The following DNAH6 variants were observed in gnomAD, a reference collection of about 807,000 sequenced individuals.
DNAH6 encodes axonemal beta dynein heavy chain 6.
In DNAH6, 340 loss-of-function variants were observed where a neutral mutation model predicts 491.4. That is an observed-to-expected ratio of 0.69 (90% confidence interval 0.63 to 0.76). The LOEUF is 0.76. DNAH6 is among the 30% of genes least tolerant of loss of function. DNAH6 has a pLI of 0.00. For synonymous variants in DNAH6, 1,603 were observed against 1,686.1 expected (o/e 0.95, Z 1.21); for missense variants, 4,443 against 4,972.2 (o/e 0.89, Z 3.20).
intron 10 of DNAH6, among the ~76,000 whole-genome samples, chr2:84,554,747 C>G (rs1573002277): frequency 6.6e-6 from 1 of 152,228 alleles, no homozygotes; most frequent in East Asian, 1.9e-4. Context: ...TAGGAGCTCT[C>G]ATGCCAAGAG....
At chr2:84,514,867 T>TCA (rs58335460), upstream of DNAH6, among the ~76,000 whole-genome samples, 3,162 of 139,088 alleles carry the variant, frequency 0.023, 74 homozygotes, top group South Asian at 0.099. Context: ...TTCACCACAG[T>TCA]CACACACACA....
chr2:84,479,871 T>G, the DNAH6 span, among the ~76,000 whole-genome samples: 1 of 152,254 alleles, frequency 6.6e-6, no homozygotes, highest in African/African-American at 2.4e-5. Context: ...AAGCTCTGGC[T>G]CAGGCTCCAC....
At chr2:84,491,317 A>G in the DNAH6 span, among the ~76,000 whole-genome samples, 2 of 152,172 alleles carry the variant, frequency 1.3e-5, no homozygotes, top group South Asian at 2.1e-4. Flanking sequence ...CATATTTTCC[A>G]TATAGCTTCT....
chr2:84,750,320 C>G (rs1453438745), intron 63 of DNAH6, among the ~76,000 whole-genome samples: 2 of 151,228 alleles, frequency 1.3e-5, no homozygotes, highest in Non-Finnish European at 2.9e-5. Flanking sequence ...GTAGCTGGGA[C>G]CACAGACATG....
At chr2:84,613,625 G>A (rs983993799) in intron 22 of DNAH6, among the ~76,000 whole-genome samples, 11 of 152,058 alleles carry the variant, frequency 7.2e-5, no homozygotes, top group African/African-American at 2.7e-4. Context: ...TTTAAAGATG[G>A]CAGAGGATAC....
intron 37 of DNAH6, among the ~76,000 whole-genome samples, chr2:84,667,322 T>A (rs1282061830): frequency 6.6e-6 from 1 of 151,994 alleles, no homozygotes; most frequent in Admixed American, 6.5e-5. Flanking sequence ...ACCTACAGAA[T>A]GGGAGAAAAT....
chr2:84,560,000 A>G (rs1192347077), intron 11 of DNAH6, among the ~76,000 whole-genome samples: 1 of 152,180 alleles, frequency 6.6e-6, no homozygotes, highest in African/African-American at 2.4e-5. Flanking sequence ...AATAAGATAG[A>G]GAAATCAGTA....
chr2:84,495,697 T>C, the DNAH6 span, among the ~76,000 whole-genome samples: 1 of 152,162 alleles, frequency 6.6e-6, no homozygotes, highest in Non-Finnish European at 1.5e-5. Flanking sequence ...ATTGCCCTGA[T>C]ACAAAATCTG....
intron 44 of DNAH6, 41 bp from the exon 45 acceptor site, chr2:84,688,398 T>C: frequency 6.9e-7 from 1 of 1,447,948 alleles, no homozygotes; most frequent in Non-Finnish European, 9.1e-7. Context: ...TATGTGTCTA[T>C]CAGAATTGAT....
chr2:84,571,396 C>G (rs1681852645), intron 11 of DNAH6, among the ~76,000 whole-genome samples: 1 of 152,156 alleles, frequency 6.6e-6, no homozygotes, highest in Non-Finnish European at 1.5e-5. Flanking sequence ...CCAAACGCTG[C>G]CTTAGCCAAT....
Position 84,549,871 on chromosome 2 carries a change from G to T in DNAH6, c.1317-18G>T, listed in dbSNP as rs762058795. The T allele has an allele frequency of 6.4e-7, 1 of 1,571,244 alleles. No homozygotes were observed. The highest frequency in any genetic ancestry group is 8.7e-7 in the Non-Finnish European group (1 of 1,155,650). ...AATATAAGAAACCGAAATTGTATTA[G>T]TTTTTTTTCTTTTCAAGCTTTATTC... On this transcript the variant is annotated intron_variant, in intron 8 of 76. Coordinates refer to ENST00000389394, the MANE Select transcript of DNAH6 (RefSeq NM_001370.2).
intron 37 of DNAH6, among the ~76,000 whole-genome samples, chr2:84,662,197 A>G (rs903436690): frequency 7.9e-5 from 12 of 152,282 alleles, no homozygotes; most frequent in African/African-American, 2.6e-4. Context: ...AGCTCCCAGC[A>G]TGAGCAATGC....
chr2:84,705,874 C>A, intron 52 of DNAH6, 127 bp downstream of exon 52: 1 of 1,178,810 alleles, frequency 8.5e-7, no homozygotes, highest in Non-Finnish European at 1.1e-6. Context: ...TGGAAATTAG[C>A]TTTTGTTTTA....
chr2:84,597,514 G>A (rs1251977685), intron 18 of DNAH6, among the ~76,000 whole-genome samples: 1 of 152,204 alleles, frequency 6.6e-6, no homozygotes, highest in African/African-American at 2.4e-5. Flanking sequence ...TGGTAGGATC[G>A]TAAGGTTGTG....
At chr2:84,518,532 G>A (rs963108668) in intron 2 of DNAH6, among the ~76,000 whole-genome samples, 4 of 152,148 alleles carry the variant, frequency 2.6e-5, no homozygotes, top group African/African-American at 4.8e-5. Flanking sequence ...CAGTGAAAGC[G>A]AAAAAATTAA....
chr2:84,527,562 CT>C (rs1439925083), intron 3 of DNAH6, among the ~76,000 whole-genome samples: 2 of 152,208 alleles, frequency 1.3e-5, no homozygotes, highest in East Asian at 3.9e-4. Context: ...TGGACTAGCC[CT>C]CATTGAAACA....
chr2:84,671,233 T>C (rs1345152181), intron 39 of DNAH6, among the ~76,000 whole-genome samples: 1 of 152,186 alleles, frequency 6.6e-6, no homozygotes, highest in Non-Finnish European at 1.5e-5. Context: ...GTCTATGCTG[T>C]CTGTGAGGCA....
At chr2:84,703,807 T>C (rs1049471896) in intron 50 of DNAH6, among the ~76,000 whole-genome samples, 1 of 152,106 alleles carries the variant, frequency 6.6e-6, no homozygotes, top group Non-Finnish European at 1.5e-5. Context: ...GGACAGAGAA[T>C]TGTGAGAAAA....
chr2:84,758,548 A>G (rs1418470133), intron 63 of DNAH6, among the ~76,000 whole-genome samples: 4 of 152,160 alleles, frequency 2.6e-5, no homozygotes, highest in Non-Finnish European at 5.9e-5. Flanking sequence ...AACTAATTCA[A>G]TGGTACATCA....
Sources: gnomAD v4.1 joint callset for allele counts (sites outside exome capture counted in the v4.1 genomes callset) on GRCh38, gnomAD v4.1.1 for gene constraint, MANE v1.5 for transcripts, NCBI Gene and HGNC (gene_info 2026-07-23, HGNC 2026-07-21) for gene names.